The following CSMD1 variants were observed in gnomAD, a reference collection of about 807,000 sequenced individuals.
The protein encoded by CSMD1 is CUB and Sushi multiple domains 1.
CSMD1 carries 213 observed loss-of-function variants against 417.5 expected under a neutral mutation model. The observed-to-expected ratio is 0.51, with a 90% confidence interval of 0.46 to 0.57. The LOEUF is 0.57. Among genes scored for constraint, CSMD1 ranks in the 20% least tolerant of loss-of-function variants. The probability of loss-of-function intolerance (pLI) is 0.00; values close to 1 mark genes in which losing one functional copy is unlikely to be tolerated. For synonymous variants in CSMD1, 2,862 were observed against 1,736.8 expected, an observed-to-expected ratio of 1.65 and a Z score of -16.11; for missense variants, 6,923 against 4,529.7, an observed-to-expected ratio of 1.53 and a Z score of -15.17.
chr8:4,320,130 G>T (rs1488830228), intron 3 of CSMD1, among the ~76,000 whole-genome samples: 2 of 152,262 alleles, frequency 1.3e-5, no homozygotes, highest in Non-Finnish European at 2.9e-5. Context: ...ATTTAACTGT[G>T]TAACAGAACA....
chr8:4,693,901 G>C (rs747452057), intron 1 of CSMD1, among the ~76,000 whole-genome samples: 1 of 69,574 alleles, frequency 1.4e-5, no homozygotes, highest in African/African-American at 6.9e-5. Flanking sequence ...TAATATCACA[G>C]TTTGCAGTTA....
chr8:3,506,625 T>G (rs1034503588), intron 10 of CSMD1, among the ~76,000 whole-genome samples: 5 of 152,156 alleles, frequency 3.3e-5, no homozygotes, highest in Admixed American at 3.3e-4. Context: ...ATGCTAATAT[T>G]TTTCTTAGGA....
intron 2 of CSMD1, among the ~76,000 whole-genome samples, chr8:4,539,615 T>G (rs13278870): frequency 0.37 from 55,886 of 152,078 alleles, 11,380 homozygotes; most frequent in South Asian, 0.48. Flanking sequence ...AAAAAAGAGT[T>G]TGATGTACCA....
chr8:4,126,421 C>G (rs1414692176), intron 3 of CSMD1, among the ~76,000 whole-genome samples: 1 of 152,136 alleles, frequency 6.6e-6, no homozygotes, highest in Non-Finnish European at 1.5e-5. Flanking sequence ...CAGGACAGCA[C>G]CCTAGCGAAG....
chr8:4,353,957 T>C (rs576056010), intron 3 of CSMD1, among the ~76,000 whole-genome samples: 3 of 152,274 alleles, frequency 2.0e-5, no homozygotes, highest in African/African-American at 7.2e-5. Context: ...TCATCAGCCC[T>C]CTATGATGAT....
rs554559053 is a variant in CSMD1 at position 4,471,188 on chromosome 8, CATT to C, written c.303-51126_303-51124del. On this transcript the variant is annotated intron_variant, in intron 2 of 69. Coordinates refer to ENST00000635120, the MANE Select transcript of CSMD1 (RefSeq NM_033225.6). ...GCCTTACTGGATTTAATTCCAACAA[CATT>C]ATTATGGAAAAACAATCTTAGAAAA... 2.6e-5 allele frequency among the ~76,000 whole-genome samples: 4 copies of C among 152,218 alleles called. No homozygotes were observed. In the South Asian group the frequency reaches 8.3e-4, roughly 32 times the overall value.
intron 18 of CSMD1, among the ~76,000 whole-genome samples, chr8:3,383,985 G>A (rs1054415290): frequency 6.6e-6 from 1 of 152,072 alleles, no homozygotes; most frequent in Admixed American, 6.5e-5. Context: ...GACCTTCCCT[G>A]GATAATTTCA....
chr8:4,017,820 G>C lies in CSMD1; in HGVS notation c.610+14085C>G, dbSNP rs184345476. Among the ~76,000 whole-genome samples, 540 of 152,206 alleles carry C rather than the reference G, an allele frequency of 3.5e-3. 13 individuals are homozygous for C. Among genetic ancestry groups the C allele is most frequent in the Admixed American group, 0.031 (480 of 15,292 alleles). On this transcript the variant is annotated intron_variant, in intron 4 of 69. Transcript: ENST00000635120. ...ATTTGGAAAAGATAACATTTCTGGAGATCTCAGCTGTTTGGGTGACTGTAT... is the reference window on the plus strand; with the variant it reads ...ATTTGGAAAAGATAACATTTCTGGACATCTCAGCTGTTTGGGTGACTGTAT...
intron 26 of CSMD1, among the ~76,000 whole-genome samples, chr8:3,232,561 G>T (rs112114278): frequency 1.6e-4 from 25 of 152,234 alleles, no homozygotes; most frequent in African/African-American, 5.8e-4. Flanking sequence ...TGTACATGCT[G>T]CTGGTACACA....
chr8:3,613,960 G>A (rs1171941676), intron 8 of CSMD1, among the ~76,000 whole-genome samples: 4 of 151,780 alleles, frequency 2.6e-5, no homozygotes, highest in African/African-American at 7.3e-5. Flanking sequence ...CGATTGGAAA[G>A]CAAAAATTAA....
intron 26 of CSMD1, among the ~76,000 whole-genome samples, chr8:3,230,777 C>T (rs181476374): frequency 9.9e-5 from 15 of 152,188 alleles, no homozygotes; most frequent in East Asian, 3.9e-4. Flanking sequence ...TATTAATAAC[C>T]CCCTTTCACT....
intron 10 of CSMD1, among the ~76,000 whole-genome samples, chr8:3,543,579 G>T (rs1343253032): frequency 6.6e-6 from 1 of 152,020 alleles, no homozygotes; most frequent in East Asian, 1.9e-4. Flanking sequence ...GATGAATGTG[G>T]GGTATGAGAA....
At chr8:4,482,984 G>C (rs968840649) in intron 2 of CSMD1, among the ~76,000 whole-genome samples, 36 of 152,256 alleles carry the variant, frequency 2.4e-4, no homozygotes, top group African/African-American at 8.7e-4. Context: ...AATGGAGTTA[G>C]GTAGTAAAAT....
intron 26 of CSMD1, among the ~76,000 whole-genome samples, chr8:3,237,013 C>G (rs558598364): frequency 2.6e-5 from 4 of 152,056 alleles, no homozygotes; most frequent in African/African-American, 9.7e-5. Context: ...TGCCAGTCAG[C>G]TTGAGCAACA....
At chr8:4,308,475 G>A (rs1007858201) in intron 3 of CSMD1, among the ~76,000 whole-genome samples, 3 of 152,122 alleles carry the variant, frequency 2.0e-5, no homozygotes, top group Non-Finnish European at 4.4e-5. Context: ...TTCAGCGAGG[G>A]CCAATGTGAA....
At chr8:3,776,807 G>GATATATAGATAT (rs1371493777) in intron 5 of CSMD1, among the ~76,000 whole-genome samples, 1 of 139,938 alleles carries the variant, frequency 7.1e-6, no homozygotes, top group African/African-American at 2.9e-5. Flanking sequence ...ATATAGACGA[G>GATATATAGATAT]ATATATATAT....
At chr8:4,028,064 G>C (rs928436052) in intron 4 of CSMD1, among the ~76,000 whole-genome samples, 1 of 151,924 alleles carries the variant, frequency 6.6e-6, no homozygotes, top group African/African-American at 2.4e-5. Flanking sequence ...CCACTGTTTT[G>C]ACAACATAAA....
intron 6 of CSMD1, among the ~76,000 whole-genome samples, chr8:3,726,891 A>C (rs989042532): frequency 6.6e-6 from 1 of 152,234 alleles, no homozygotes; most frequent in African/African-American, 2.4e-5. Context: ...GTTAAAAAAC[A>C]TGAGGAAATA....
At chr8:4,104,271 C>G (rs59093083) in intron 3 of CSMD1, among the ~76,000 whole-genome samples, 8 of 152,254 alleles carry the variant, frequency 5.3e-5, no homozygotes, top group African/African-American at 1.9e-4. Flanking sequence ...CTCACTCCAT[C>G]TTTTCTTTTG....
Sources: allele counts gnomAD v4.1 joint callset (sites outside exome capture counted in the v4.1 genomes callset), GRCh38; gene constraint gnomAD v4.1.1; transcripts MANE v1.5; gene names NCBI Gene and HGNC (gene_info 2026-07-23, HGNC 2026-07-21).